ZDHHC3: variants seen among roughly 807,000 people sequenced by gnomAD.
The protein encoded by ZDHHC3 is palmitoyltransferase ZDHHC3.
Under a neutral mutation model 30.6 loss-of-function variants are expected in ZDHHC3, and 9 were observed. That is an observed-to-expected ratio of 0.29 (90% CI 0.18 to 0.51). The LOEUF (loss-of-function observed/expected upper bound fraction) is 0.51, where lower values mean the gene tolerates loss of function less well. Among genes scored for constraint, ZDHHC3 ranks in the 20% least tolerant of loss-of-function variants. ZDHHC3 has a pLI of 0.97. For synonymous variants in ZDHHC3, 136 were observed against 140.2 expected, an observed-to-expected ratio of 0.97 and a Z score of 0.21; for missense variants, 246 against 384.2, an observed-to-expected ratio of 0.64 and a Z score of 3.01.
chr3:44,943,278 T>C (rs1702604771), intron 3 of ZDHHC3, among the ~76,000 whole-genome samples: 1 of 152,216 alleles, frequency 6.6e-6, no homozygotes, highest in Non-Finnish European at 1.5e-5. Flanking sequence ...GACCCAAACC[T>C]GTCTCTAGTA....
rs528053855 is a variant in ZDHHC3, at chr3:44,924,785, A to T, written c.*1904T>A. 5.9e-4 allele frequency: 581 copies of T among 985,410 alleles called. 1 individual carries two copies. The highest frequency in any genetic ancestry group is 2.9e-3 in the Admixed American group (48 of 16,292). 61.0% of individuals were successfully genotyped at this position (985,410 alleles called of 1,614,324 possible). A position where few individuals can be genotyped will look rare whatever the true frequency, so the allele number is the denominator to read the frequency against. Reference sequence around the variant, plus strand: ...GAGCTGTATGTTATGAAAAAATTTTAAAAAAGCATATGGAAAACAAATGCT... The same window carrying T: ...GAGCTGTATGTTATGAAAAAATTTTTAAAAAGCATATGGAAAACAAATGCT... On this transcript the variant is annotated 3_prime_UTR_variant, in exon 7 of 7. Coordinates refer to ENST00000424952, the MANE Select transcript of ZDHHC3 (RefSeq NM_001135179.2).
At chr3:44,970,580 T>C (rs1028844972) in intron 1 of ZDHHC3, among the ~76,000 whole-genome samples, 1 of 152,242 alleles carries the variant, frequency 6.6e-6, no homozygotes, top group Non-Finnish European at 1.5e-5. Flanking sequence ...AACGTTTTCT[T>C]TGTTAATATC....
In ZDHHC3 at chr3:44,925,430, T is replaced by A. The variant is rs1700902162; in HGVS notation, c.*1259A>T. The A allele has an allele frequency of 1.0e-6, 1 of 985,438 alleles. No homozygotes were observed. Among genetic ancestry groups the A allele is most frequent in the South Asian group, 4.7e-5 (1 of 21,292 alleles). The allele number at this position is 985,438 out of a possible 1,614,324, so 61.0% of individuals were successfully genotyped here. A position where few individuals can be genotyped will look rare whatever the true frequency, so the allele number is the denominator to read the frequency against. On this transcript the variant is annotated 3_prime_UTR_variant, in exon 7 of 7. Transcript: ENST00000424952. ...TGGTCAATAATCATATTTGTTATTT[T>A]TGCACTTGGAGGGCACTCCCTACCT...
chr3:44,941,757 T>TAA (rs199887044), intron 3 of ZDHHC3, among the ~76,000 whole-genome samples: 28 of 117,306 alleles, frequency 2.4e-4, no homozygotes, highest in African/African-American at 6.0e-4. Context: ...GCTGATGAGC[T>TAA]AAAAAAAAAA....
intron 3 of ZDHHC3, among the ~76,000 whole-genome samples, chr3:44,940,264 G>A (rs1702330037): frequency 6.6e-6 from 1 of 152,146 alleles, no homozygotes; most frequent in Non-Finnish European, 1.5e-5. Context: ...GCTCAGCAGT[G>A]TTCCCTCCCT....
intron 4 of ZDHHC3, 88 bp from the exon 5 acceptor site, chr3:44,933,287 A>C: frequency 8.3e-7 from 1 of 1,201,574 alleles, no homozygotes; most frequent in East Asian, 2.3e-5. Context: ...AGAATTTGCC[A>C]CTCAGGAACA....
At chr3:44,941,448 AC>A (rs1183410632) in intron 3 of ZDHHC3, among the ~76,000 whole-genome samples, 1 of 152,164 alleles carries the variant, frequency 6.6e-6, no homozygotes, top group Non-Finnish European at 1.5e-5. Context: ...CATTGTGAGC[AC>A]CAAAAATGTA....
intron 2 of ZDHHC3, among the ~76,000 whole-genome samples, chr3:44,950,368 C>T (rs1004808877): frequency 6.6e-6 from 1 of 152,166 alleles, no homozygotes; most frequent in Admixed American, 6.5e-5. Context: ...CCAGAATGTA[C>T]TGTAAGCCCC....
Position 44,959,389 on chromosome 3 carries a change from T to C in ZDHHC3, c.48A>G (p.Pro16=), listed in dbSNP as rs1704263716. The C allele has an allele frequency of 6.2e-7, 1 of 1,614,200 alleles. No individual in the cohort carries two copies. The highest frequency in any genetic ancestry group is 8.5e-7 in the Non-Finnish European group (1 of 1,180,022). ...CACACTTCTCTGGCTGGAGGTATTC[T>C]GGTTTCCGCTCAATGTTTCGGAAGT... ...THHFRNIERK[P]EYLQPEKCVP... Residue 16 remains proline, a synonymous_variant, in exon 2 of 7, where the codon CCA becomes CCG. Transcript: ENST00000424952. This position sits in a 1 kb window ranked among gnomAD's most constrained non-coding sequence, Gnocchi z 4.3.
At chr3:44,962,035 T>A (rs143072238) in intron 1 of ZDHHC3, among the ~76,000 whole-genome samples, 1,549 of 152,354 alleles carry the variant, frequency 0.01, 18 homozygotes, top group Admixed American at 0.023. Context: ...GCAGAACAGC[T>A]TGGTGTGATG....
Position 44,923,964 on chromosome 3 carries a change from A to C in ZDHHC3, c.*2725T>G. 1.0e-6 allele frequency: 1 copy of C among 985,490 alleles called. No homozygotes were observed. The highest frequency in any genetic ancestry group is 4.7e-5 in the South Asian group (1 of 21,286). 61.0% of individuals were successfully genotyped at this position (985,490 alleles called of 1,614,324 possible). A position where few individuals can be genotyped will look rare whatever the true frequency, so the allele number is the denominator to read the frequency against. ...ATTTGCTTGGATCTAAGCCTTTTGC[A>C]TATTCAGTCTAGTTGCTATGAACAC... is the stretch of plus-strand genomic sequence containing the variant. On this transcript the variant is annotated 3_prime_UTR_variant, in exon 7 of 7. Coordinates refer to ENST00000424952, the MANE Select transcript of ZDHHC3 (RefSeq NM_001135179.2).
At chr3:44,943,132 GC>G (rs1225853992) in intron 3 of ZDHHC3, among the ~76,000 whole-genome samples, 1 of 152,088 alleles carries the variant, frequency 6.6e-6, no homozygotes, top group East Asian at 1.9e-4. Context: ...TCACCCTCAA[GC>G]TTTGAGGAGG....
chr3:44,932,865 C>G, intron 5 of ZDHHC3: 1 of 1,598,996 alleles, frequency 6.3e-7, no homozygotes, highest in Non-Finnish European at 8.6e-7. Flanking sequence ...TCCCTGGGCA[C>G]GCTCAGTCCA....
In ZDHHC3 at chr3:44,919,181, T is replaced by C; in HGVS notation, c.*7508A>G. 2.4e-6 allele frequency: 2 copies of C among 845,998 alleles called. No homozygotes were observed. The highest frequency in any genetic ancestry group is 2.8e-6 in the Non-Finnish European group (2 of 704,166). The allele number at this position is 845,998 out of a possible 1,614,324, so 52.4% of individuals were successfully genotyped here. On this transcript the variant is annotated 3_prime_UTR_variant, in exon 7 of 7. Transcript: ENST00000424952. ...AATTACAAAGGGAAAAACAGTACCT[T>C]AATAGCAGGGAAGAAACATTGCACG... is the stretch of plus-strand genomic sequence containing the variant.
rs2125954422 is a variant in ZDHHC3 at position 44,976,132 on chromosome 3, AGTGGCGGCG to A, written c.-233_-225del. ...GAGAAGCCCATCGAGCTCTCCCGGC[AGTGGCGGCG>A]GCCGCGGCTGCAGGAGCGGCCGCCG... is the stretch of plus-strand genomic sequence containing the variant. On this transcript the variant is annotated 5_prime_UTR_variant, in exon 1 of 7. Transcript: ENST00000424952. 4 of 545,124 alleles carry A rather than the reference AGTGGCGGCG, an allele frequency of 7.3e-6. No individual in the cohort carries two copies. In the East Asian group the frequency reaches 1.5e-4, roughly 20 times the overall value. 33.8% of individuals were successfully genotyped at this position (545,124 alleles called of 1,614,324 possible). A position where few individuals can be genotyped will look rare whatever the true frequency, so the allele number is the denominator to read the frequency against.
Position 44,975,972 on chromosome 3 carries a change from G to A in ZDHHC3, c.-64C>T, listed in dbSNP as rs1407442719. ...CAGTTCCCCAGTCCCAGACCCCGGT[G>A]GGGCTCCCGCCGCCGCCGCCGCTGC... On this transcript the variant is annotated 5_prime_UTR_variant, in exon 1 of 7. Transcript: ENST00000424952. 2 of 311,716 alleles carry A rather than the reference G, an allele frequency of 6.4e-6. No individual in the cohort carries two copies. The highest frequency in any genetic ancestry group is 1.2e-5 in the Non-Finnish European group (2 of 171,834). 19.3% of individuals were successfully genotyped at this position (311,716 alleles called of 1,614,324 possible).
chr3:44,927,849 C>G (rs570695725), intron 6 of ZDHHC3, among the ~76,000 whole-genome samples: 33 of 152,346 alleles, frequency 2.2e-4, no homozygotes, highest in African/African-American at 7.7e-4. Context: ...GCTGGGAGGA[C>G]AGCTGAGTCT....
At chr3:44,973,489 G>A (rs184110843) in intron 1 of ZDHHC3, among the ~76,000 whole-genome samples, 7 of 151,802 alleles carry the variant, frequency 4.6e-5, no homozygotes, top group African/African-American at 9.7e-5. Context: ...ATGGAGTTTC[G>A]CTCTTGTTGC....
chr3:44,934,615 A>G (rs923907457), intron 3 of ZDHHC3, among the ~76,000 whole-genome samples: 1 of 148,532 alleles, frequency 6.7e-6, no homozygotes, highest in Non-Finnish European at 1.5e-5. Context: ...AAGTCATTTG[A>G]GTCCAGGCGC....
Sources: allele counts gnomAD v4.1 joint callset (sites outside exome capture counted in the v4.1 genomes callset), GRCh38; gene constraint gnomAD v4.1.1; non-coding constraint Gnocchi (gnomAD v3.1); transcripts MANE v1.5; gene names NCBI Gene and HGNC (gene_info 2026-07-23, HGNC 2026-07-21).